Variants in NHEJ1 observed in about 807,000 individuals in gnomAD.
NHEJ1 encodes the protein non-homologous end-joining factor 1.
In NHEJ1, 22 loss-of-function variants were observed where a neutral mutation model predicts 39.4. The ratio of observed to expected loss-of-function variants is 0.56; its 90% CI spans 0.40 to 0.80. The LOEUF (loss-of-function observed/expected upper bound fraction) is 0.80. Ranked by LOEUF, NHEJ1 falls within the 30% of genes least tolerant of loss-of-function variation. The probability of loss-of-function intolerance (pLI) is 0.00; values close to 1 mark genes in which losing one functional copy is unlikely to be tolerated. For synonymous variants in NHEJ1, 154 were observed against 135.6 expected, an observed-to-expected ratio of 1.14 and a Z score of -0.94; for missense variants, 329 against 357.1, an observed-to-expected ratio of 0.92 and a Z score of 0.63.
intron 5 of NHEJ1, among the ~76,000 whole-genome samples, chr2:219,132,566 T>C (rs1949588832): frequency 6.6e-6 from 1 of 152,176 alleles, no homozygotes; most frequent in Non-Finnish European, 1.5e-5. Context: ...TTGCTCAGGC[T>C]TCAAGCATAA....
rs1454977033 is a variant in NHEJ1, at chr2:219,157,584, G to C, written c.278C>G (p.Ala93Gly). 1 of 1,614,192 alleles carries C rather than the reference G, an allele frequency of 6.2e-7. No homozygotes were observed. Among genetic ancestry groups the C allele is most frequent in the Non-Finnish European group, 8.5e-7 (1 of 1,180,044 alleles). Reference sequence around the variant, plus strand: ...TGCCACACAATCACAGGAGAAGGTAGCTTCGCTAGGGTGAGCAGCGTCCTT... The same window carrying C: ...TGCCACACAATCACAGGAGAAGGTACCTTCGCTAGGGTGAGCAGCGTCCTT... Reference protein sequence around the residue: ...LLKDAAHPSEATFSCDCVADA... With the variant: ...LLKDAAHPSEGTFSCDCVADA... Residue 93 changes from alanine to glycine, a missense_variant, in exon 3 of 8, where the codon GCT (alanine) becomes GGT (glycine). Transcript: ENST00000356853.
At chr2:219,100,385 T>C (rs1949245310) in intron 5 of NHEJ1, among the ~76,000 whole-genome samples, 1 of 151,514 alleles carries the variant, frequency 6.6e-6, no homozygotes, top group Non-Finnish European at 1.5e-5. Flanking sequence ...GGTGGATTGT[T>C]TGAGGCCAGG....
intron 5 of NHEJ1, among the ~76,000 whole-genome samples, chr2:219,110,831 G>A (rs571318918): frequency 2.6e-5 from 4 of 152,154 alleles, no homozygotes; most frequent in Admixed American, 1.3e-4. Context: ...GGCGGCCACC[G>A]TGGATGGAGT....
rs74881932 is a variant in NHEJ1 at position 219,153,244 on chromosome 2, T to C, written c.390+4228A>G. Among the ~76,000 whole-genome samples the C allele has an allele frequency of 7.3e-4, 111 of 152,348 alleles. 2 individuals carry two copies. In the East Asian group the frequency reaches 0.019, roughly 26 times the overall value. On this transcript the variant is annotated intron_variant, in intron 3 of 7. Transcript: ENST00000356853. ...AGACAGTAAGGTTGTGGTTGATTTA[T>C]TTTACAGATGAAGAAACTGAATCAT...
At position 219,069,749 on chromosome 2, in the gene NHEJ1, T is replaced by A. The variant is rs1031956422; in HGVS notation, c.*6632A>T. On this transcript the variant is annotated 3_prime_UTR_variant, in exon 8 of 8. Transcript: ENST00000356853. ...AGGAAGAATTCACTGGGAAGAAAAA[T>A]CCCCACGGGAAGCTCCAGAGAATGG... The A allele has an allele frequency of 6.6e-6, 1 of 151,848 alleles. No homozygotes were observed. The highest frequency in any genetic ancestry group is 2.4e-5 in the African/African-American group (1 of 41,304). The allele number at this position is 151,848 out of a possible 1,614,324, so 9.4% of individuals were successfully genotyped here. A position where few individuals can be genotyped will look rare whatever the true frequency, so the allele number is the denominator to read the frequency against.
chr2:219,080,617 ATATATATGCTAATATATATAAGCT>A lies in NHEJ1; in HGVS notation c.589-2435_589-2412del, dbSNP rs561752778. Reference sequence around the variant, plus strand: ...TATATATGCTAATATATATAAGCTTATATATATGCTAATATATATAAGCTTATATATATGCTAATATATATAAGC... The same window carrying A: ...TATATATGCTAATATATATAAGCTTATATATATATGCTAATATATATAAGC... On this transcript the variant is annotated intron_variant, in intron 5 of 7. Coordinates refer to ENST00000356853, the MANE Select transcript of NHEJ1 (RefSeq NM_024782.3). Among the ~76,000 whole-genome samples the A allele has an allele frequency of 1.1e-4, 13 of 119,172 alleles. No homozygotes were observed. The South Asian group carries it at 3.1e-3, about 28-fold the overall frequency. The allele number at this position is 119,172 out of a possible 152,430, so 78.2% of individuals were successfully genotyped here.
At chr2:219,082,219 A>G (rs1005905145) in intron 5 of NHEJ1, among the ~76,000 whole-genome samples, 11 of 152,190 alleles carry the variant, frequency 7.2e-5, no homozygotes, top group African/African-American at 2.4e-4. Context: ...CCCATCTCCA[A>G]TGCACTGGGA....
intron 5 of NHEJ1, among the ~76,000 whole-genome samples, chr2:219,080,530 A>AAAAT (rs1293191362): frequency 2.9e-5 from 4 of 138,022 alleles, no homozygotes; most frequent in African/African-American, 1.1e-4. Context: ...GTCTTAAAAA[A>AAAAT]AAATAAATAA....
intron 5 of NHEJ1, among the ~76,000 whole-genome samples, chr2:219,118,439 A>G (rs1419164583): frequency 6.6e-6 from 1 of 151,092 alleles, no homozygotes; most frequent in African/African-American, 2.4e-5. Context: ...TGCTCCCCAG[A>G]GCTCCGTTAT....
At chr2:219,101,646 A>C (rs1214352784) in intron 5 of NHEJ1, among the ~76,000 whole-genome samples, 3 of 142,164 alleles carry the variant, frequency 2.1e-5, no homozygotes, top group Admixed American at 2.1e-4. Flanking sequence ...CCGGGCCTCA[A>C]GTGATCTTCC....
chr2:219,119,151 C>T (rs925918672), intron 5 of NHEJ1, among the ~76,000 whole-genome samples: 3 of 151,938 alleles, frequency 2.0e-5, no homozygotes, highest in Non-Finnish European at 4.4e-5. Flanking sequence ...CCCAGTCTCC[C>T]GGAGAAATAA....
chr2:219,085,166 C>T (rs773191790), intron 5 of NHEJ1, among the ~76,000 whole-genome samples: 4 of 152,228 alleles, frequency 2.6e-5, no homozygotes, highest in Admixed American at 2.0e-4. Flanking sequence ...ATTAATTTCA[C>T]AGTTTCCTCA....
intron 7 of NHEJ1, 101 bp from the exon 8 acceptor site, chr2:219,076,556 CCTTTT>C: frequency 2.9e-6 from 2 of 685,264 alleles, no homozygotes; most frequent in Non-Finnish European, 2.4e-6. Context: ...TAGGATGAGG[CCTTTT>C]TTTTTTTTTT....
At chr2:219,119,528 C>T (rs1398785480) in intron 5 of NHEJ1, among the ~76,000 whole-genome samples, 1 of 152,062 alleles carries the variant, frequency 6.6e-6, no homozygotes, top group African/African-American at 2.4e-5. Flanking sequence ...TCCCCCACTC[C>T]CCCATCCCTA....
chr2:219,158,552 G>C (rs1026577805), intron 1 of NHEJ1, among the ~76,000 whole-genome samples, 190 bp from the exon 2 acceptor site: 6 of 151,840 alleles, frequency 4.0e-5, no homozygotes, highest in Non-Finnish European at 7.4e-5. Context: ...GCCACTAAAA[G>C]TATATTTAAA....
At chr2:219,080,668 T>TATATATATTAGCATATATATAAGC (rs1559185964) in intron 5 of NHEJ1, among the ~76,000 whole-genome samples, 1 of 16,340 alleles carries the variant, frequency 6.1e-5, no homozygotes, top group Admixed American at 4.5e-4. Context: ...TATATAAGCT[T>TATATATATTAGCATATATATAAGC]TTATATATGC....
rs116984860 is a variant in NHEJ1 at position 219,088,300 on chromosome 2, A to G, written c.589-10094T>C. ...ATATTATACAGAAGTGAAATGTTAA[A>G]AGTATGGCTACAAAGAGCAACATAG... On this transcript the variant is annotated intron_variant, in intron 5 of 7. Coordinates refer to ENST00000356853, the MANE Select transcript of NHEJ1 (RefSeq NM_024782.3). 2.0e-5 allele frequency among the ~76,000 whole-genome samples: 3 copies of G among 152,318 alleles called. No individual in the cohort carries two copies. The East Asian group carries it at 5.8e-4, about 29-fold the overall frequency.
At position 219,153,963 on chromosome 2, in the gene NHEJ1, A is replaced by G. The variant is rs145608880; in HGVS notation, c.390+3509T>C. On this transcript the variant is annotated intron_variant, in intron 3 of 7. Coordinates refer to ENST00000356853, the MANE Select transcript of NHEJ1 (RefSeq NM_024782.3). ...ATTCCTTGACCCAGCCATTCCACTT[A>G]TGGGAATTTACTCACACATTTACAT... Among the ~76,000 whole-genome samples, 552 of 152,382 alleles carry G rather than the reference A, an allele frequency of 3.6e-3. 2 individuals carry two copies. Among genetic ancestry groups the G allele is most frequent in the African/African-American group, 0.013 (524 of 41,592 alleles).
rs1273549462 is a variant in NHEJ1, at chr2:219,076,081, T to C, written c.*300A>G. 1.8e-6 allele frequency: 1 copy of C among 542,056 alleles called. No homozygotes were observed. The highest frequency in any genetic ancestry group is 2.9e-5 in the East Asian group (1 of 33,912). 33.6% of individuals were successfully genotyped at this position (542,056 alleles called of 1,614,324 possible). ...GGAAAGGTAGACAAGGCTTCCTGAGTGTGTGGTGCTTTCTTGCTGACTTGC... is the reference window on the plus strand; with the variant it reads ...GGAAAGGTAGACAAGGCTTCCTGAGCGTGTGGTGCTTTCTTGCTGACTTGC... On this transcript the variant is annotated 3_prime_UTR_variant, in exon 8 of 8. Transcript: ENST00000356853.
Sources: allele counts gnomAD v4.1 joint callset (sites outside exome capture counted in the v4.1 genomes callset), GRCh38; gene constraint gnomAD v4.1.1; transcripts MANE v1.5; gene names NCBI Gene and HGNC (gene_info 2026-07-23, HGNC 2026-07-21).